Variants in CMSS1 observed in about 807,000 individuals in gnomAD.
CMSS1 encodes the protein cms1 ribosomal small subunit homolog, also known as protein CMSS1.
In CMSS1, 33 loss-of-function variants were observed where a neutral mutation model predicts 43.5. That is an observed-to-expected ratio of 0.76 (90% CI 0.57 to 1.01). The LOEUF (loss-of-function observed/expected upper bound fraction) is 1.01, where lower values mean the gene tolerates loss of function less well. Among genes scored for constraint, CMSS1 ranks in the 50% least tolerant of loss-of-function variants. The pLI is 0.00. For missense variants in CMSS1, 313 were observed against 326.4 expected (o/e 0.96, Z 0.32); for synonymous variants, 115 against 117.2 (o/e 0.98, Z 0.12).
chr3:100,070,040 A>G (rs1477707533), intron 1 of CMSS1, among the ~76,000 whole-genome samples: 6 of 152,198 alleles, frequency 3.9e-5, no homozygotes, highest in Non-Finnish European at 5.9e-5. Flanking sequence ...ATGCGTTAAA[A>G]ATTAACAGTA....
At chr3:100,079,178 T>A (rs1160746543) in intron 1 of CMSS1, among the ~76,000 whole-genome samples, 1 of 152,234 alleles carries the variant, frequency 6.6e-6, no homozygotes, top group East Asian at 1.9e-4. Flanking sequence ...GCATGGTGAC[T>A]GGCTTACGAG....
intron 1 of CMSS1, among the ~76,000 whole-genome samples, chr3:100,074,893 C>T (rs1158426101): frequency 2.0e-5 from 3 of 151,438 alleles, no homozygotes; most frequent in Non-Finnish European, 2.9e-5. Flanking sequence ...AGGGTTTCGC[C>T]GTGTTGGCCA....
intron 1 of CMSS1, among the ~76,000 whole-genome samples, chr3:100,060,261 G>C (rs1262912161): frequency 6.6e-6 from 1 of 152,086 alleles, no homozygotes; most frequent in Non-Finnish European, 1.5e-5. Flanking sequence ...GGGAGGTAAA[G>C]GAGTGAAGTA....
At chr3:99,830,236 C>T in intron 1 of CMSS1, 1 of 337,828 alleles carries the variant, frequency 3.0e-6, no homozygotes, top group South Asian at 2.4e-5. Flanking sequence ...TGTGCATATA[C>T]ACATATAGAA....
At chr3:100,006,294 T>C (rs1445333303) in intron 1 of CMSS1, among the ~76,000 whole-genome samples, 1 of 152,176 alleles carries the variant, frequency 6.6e-6, no homozygotes, top group African/African-American at 2.4e-5. Flanking sequence ...GTCTTTGAAT[T>C]GTTTCCTTTG....
chr3:100,096,571 A>C (rs1370498963), intron 1 of CMSS1, among the ~76,000 whole-genome samples: 2 of 152,114 alleles, frequency 1.3e-5, no homozygotes, highest in African/African-American at 4.8e-5. Context: ...AAATAATTGA[A>C]CACATGTTGA....
chr3:100,010,699 C>A (rs1236037048), intron 1 of CMSS1, among the ~76,000 whole-genome samples: 1 of 147,052 alleles, frequency 6.8e-6, no homozygotes, highest in Non-Finnish European at 1.5e-5. Flanking sequence ...ACTGCAACTT[C>A]TACCTCCCGG....
chr3:100,140,009 T>G (rs1248301907), intron 1 of CMSS1, among the ~76,000 whole-genome samples: 1 of 152,120 alleles, frequency 6.6e-6, no homozygotes, highest in Non-Finnish European at 1.5e-5. Flanking sequence ...TCCCACTGGG[T>G]GCAGTTACAC....
intron 1 of CMSS1, among the ~76,000 whole-genome samples, chr3:100,116,839 TTGGCCC>T (rs2066575186): frequency 6.6e-6 from 1 of 152,176 alleles, no homozygotes; most frequent in Admixed American, 6.5e-5. Context: ...AAGGGCCCCT[TTGGCCC>T]TTAGTCTTTT....
intron 1 of CMSS1, among the ~76,000 whole-genome samples, chr3:100,146,361 TG>T (rs1488034612): frequency 6.6e-6 from 1 of 152,230 alleles, no homozygotes; most frequent in Non-Finnish European, 1.5e-5. Flanking sequence ...CATTTCCTCC[TG>T]GGGCCAGCAT....
chr3:99,840,693 A>C (rs1414434281), intron 1 of CMSS1, among the ~76,000 whole-genome samples: 1 of 152,238 alleles, frequency 6.6e-6, no homozygotes, highest in African/African-American at 2.4e-5. Context: ...GAGGGTGGCA[A>C]GACTTCAAAT....
At chr3:100,048,249 G>C (rs1046485266) in intron 1 of CMSS1, among the ~76,000 whole-genome samples, 1 of 152,210 alleles carries the variant, frequency 6.6e-6, no homozygotes, top group Non-Finnish European at 1.5e-5. Context: ...AGGAAAACTA[G>C]CAATAGACTT....
chr3:100,141,765 T>G, intron 1 of CMSS1: 1 of 339,364 alleles, frequency 2.9e-6, no homozygotes, highest in Admixed American at 4.0e-5. Context: ...TCTGGCAGTG[T>G]CTTTTTTTTT....
rs1028303664 is a variant in CMSS1 at position 100,180,809 on chromosome 3, C to G, written c.*2421C>G. ...TAGGTATCTTTATAGAAATGTCCCACTTCTCTGGTACCAATTTTTTGTATT... is the reference window on the plus strand; with the variant it reads ...TAGGTATCTTTATAGAAATGTCCCAGTTCTCTGGTACCAATTTTTTGTATT... On this transcript the variant is annotated 3_prime_UTR_variant, in exon 10 of 10. Transcript: ENST00000421999. 1 of 152,122 alleles carries G rather than the reference C, an allele frequency of 6.6e-6. No individual in the cohort carries two copies. The highest frequency in any genetic ancestry group is 1.5e-5 in the Non-Finnish European group (1 of 68,036). 9.4% of individuals were successfully genotyped at this position (152,122 alleles called of 1,614,324 possible).
intron 1 of CMSS1, among the ~76,000 whole-genome samples, chr3:99,973,760 T>C (rs1253375540): frequency 2.6e-5 from 4 of 152,200 alleles, no homozygotes; most frequent in African/African-American, 9.6e-5. Context: ...TTGGGTAGCT[T>C]TATAATGAAG....
chr3:100,113,520 CAAAAGAAAA>C (rs752350313), intron 1 of CMSS1, among the ~76,000 whole-genome samples: 145 of 152,086 alleles, frequency 9.5e-4, no homozygotes, highest in Admixed American at 2.4e-3. Flanking sequence ...GGTAAACAAA[CAAAAGAAAA>C]AAGATACAAT....
chr3:99,939,614 T>C (rs1359875191), intron 1 of CMSS1, among the ~76,000 whole-genome samples: 1 of 152,178 alleles, frequency 6.6e-6, no homozygotes. Context: ...TCAGGGAAGA[T>C]CTTAGCAGCT....
chr3:100,007,305 A>G (rs532072701), intron 1 of CMSS1, among the ~76,000 whole-genome samples: 53 of 152,216 alleles, frequency 3.5e-4, no homozygotes, highest in African/African-American at 1.2e-3. Flanking sequence ...ATTTCCTGAA[A>G]TTTTTATTTG....
chr3:100,162,238 AC>A, intron 3 of CMSS1, 64 bp from the exon 4 acceptor site: 3 of 1,464,066 alleles, frequency 2.0e-6, no homozygotes, highest in East Asian at 4.6e-5. Context: ...AGAGGAACTA[AC>A]CTATTCCAAC....
Sources: gnomAD v4.1 joint callset for allele counts (sites outside exome capture counted in the v4.1 genomes callset) on GRCh38, gnomAD v4.1.1 for gene constraint, MANE v1.5 for transcripts, NCBI Gene and HGNC (gene_info 2026-07-23, HGNC 2026-07-21) for gene names.